Variants in PCDHGA2 observed in about 807,000 individuals in gnomAD.
The protein encoded by PCDHGA2 is protocadherin gamma subfamily A, 2.
PCDHGA2 carries 40 observed loss-of-function variants against 59.2 expected under a neutral mutation model. The ratio of observed to expected loss-of-function variants is 0.68; its 90% CI spans 0.52 to 0.88. The LOEUF is 0.88. PCDHGA2 is among the 40% of genes least tolerant of loss of function. The pLI is 0.00. For missense variants in PCDHGA2, 1,226 were observed against 1,204.0 expected (o/e 1.02, Z -0.27); for synonymous variants, 560 against 526.0 (o/e 1.06, Z -0.89).
intron 1 of PCDHGA2, chr5:141,430,576 T>G (rs767759432): frequency 3.3e-5 from 15 of 459,492 alleles, no homozygotes; most frequent in Non-Finnish European, 5.5e-5. Flanking sequence ...AAAGCGGAGA[T>G]CCTGCTCGCC....
At chr5:141,376,159 C>T (rs1772345017) in intron 1 of PCDHGA2, 2 of 1,614,084 alleles carry the variant, frequency 1.2e-6, no homozygotes, top group Non-Finnish European at 8.5e-7. Context: ...TCACTCTGTA[C>T]CTGGTGGTGG....
At chr5:141,355,184 T>C in intron 1 of PCDHGA2, 2 of 1,586,600 alleles carry the variant, frequency 1.3e-6, no homozygotes, top group Non-Finnish European at 1.7e-6. Flanking sequence ...CACAGGCGAC[T>C]CCGCGGCGGG....
intron 1 of PCDHGA2, among the ~76,000 whole-genome samples, chr5:141,494,361 G>A (rs1311268562): frequency 6.6e-6 from 1 of 152,184 alleles, no homozygotes; most frequent in African/African-American, 2.4e-5. Flanking sequence ...TGCTGCAGAG[G>A]ATGCTTTGTT....
Position 141,422,436 on chromosome 5 carries a change from C to T in PCDHGA2, c.2425-72371C>T, listed in dbSNP as rs200737047. The T allele has an allele frequency of 1.2e-5, 20 of 1,609,634 alleles. No homozygotes were observed. The East Asian group carries it at 4.0e-4, about 32-fold the overall frequency. On this transcript the variant is annotated intron_variant, in intron 1 of 3. Coordinates refer to ENST00000394576, the MANE Select transcript of PCDHGA2 (RefSeq NM_018915.4). The stretch of plus-strand genomic sequence containing the variant: ...TAGAAAAGACTTATGGAAATTATTA[C>T]AAATTGATAACAAGCAGAGTGCTGG...
chr5:141,357,385 G>A, intron 1 of PCDHGA2: 1 of 1,614,228 alleles, frequency 6.2e-7, no homozygotes. Context: ...TCACGCTGAA[G>A]GCAGCAGGTT....
At chr5:141,423,429 A>G (rs1590473158) in intron 1 of PCDHGA2, 2 of 1,613,960 alleles carry the variant, frequency 1.2e-6, no homozygotes, top group African/African-American at 1.3e-5. Flanking sequence ...GCGGGTTGGC[A>G]GGTATGCCCA....
At chr5:141,342,525 TC>T (rs1757173515) in intron 1 of PCDHGA2, 1 of 152,238 alleles carries the variant, frequency 6.6e-6, no homozygotes, top group African/African-American at 2.4e-5. Context: ...TGTGATTCTT[TC>T]CGTTGCATTT....
chr5:141,479,703 C>T (rs1219257838), intron 1 of PCDHGA2: 1 of 152,182 alleles, frequency 6.6e-6, no homozygotes, highest in African/African-American at 2.4e-5. Context: ...AGTGTTAGTC[C>T]CTGTCCTTCC....
chr5:141,389,834 A>G, intron 1 of PCDHGA2: 2 of 1,613,988 alleles, frequency 1.2e-6, no homozygotes, highest in Non-Finnish European at 1.7e-6. Context: ...GTGGACAGCC[A>G]CCACTCTCGG....
rs377248872 is a variant in PCDHGA2 at position 141,489,231 on chromosome 5, C to T, written c.2425-5576C>T. 2 of 1,528,166 alleles carry T rather than the reference C, an allele frequency of 1.3e-6. No homozygotes were observed. The highest frequency in any genetic ancestry group is 1.4e-5 in the African/African-American group (1 of 72,140). The allele number at this position is 1,528,166 out of a possible 1,614,324, so 94.7% of individuals were successfully genotyped here. A position where few individuals can be genotyped will look rare whatever the true frequency, so the allele number is the denominator to read the frequency against. On this transcript the variant is annotated intron_variant, in intron 1 of 3. Transcript: ENST00000394576. This position sits in a 1 kb window ranked among gnomAD's most constrained non-coding sequence, Gnocchi z 4.5. ...CACAGACTTACTCTCCACAAAGGGA[C>T]TTCTGGGTCATGGGGCCCAAGACAC...
rs200464357 is a variant in PCDHGA2 at position 141,489,983 on chromosome 5, G to A, written c.2425-4824G>A. 4.5e-5 allele frequency: 73 copies of A among 1,614,172 alleles called. No homozygotes were observed. Among genetic ancestry groups the A allele is most frequent in the Middle Eastern group, 3.3e-4 (2 of 6,062 alleles). ...CCAACCTTCCAATCCTCAGTTCTAC[G>A]TGTGGGAATCCCAGAGAATGCACCC... On this transcript the variant is annotated intron_variant, in intron 1 of 3. Coordinates refer to ENST00000394576, the MANE Select transcript of PCDHGA2 (RefSeq NM_018915.4). This position sits in a 1 kb window ranked among gnomAD's most constrained non-coding sequence, Gnocchi z 4.5.
intron 1 of PCDHGA2, chr5:141,410,564 T>C: frequency 6.2e-7 from 1 of 1,612,612 alleles, no homozygotes; most frequent in Non-Finnish European, 8.5e-7. Context: ...TCCTGGAGCC[T>C]TAATTCCACC....
At chr5:141,500,227 G>T (rs959087347) in intron 2 of PCDHGA2, among the ~76,000 whole-genome samples, 15 of 116,224 alleles carry the variant, frequency 1.3e-4, no homozygotes, top group African/African-American at 2.9e-4. Context: ...TTTATTTATT[G>T]ATACGTAGCC....
chr5:141,474,967 T>G (rs745581213), intron 1 of PCDHGA2, among the ~76,000 whole-genome samples: 6 of 152,252 alleles, frequency 3.9e-5, no homozygotes, highest in Non-Finnish European at 7.3e-5. Context: ...TCCTAATCAT[T>G]ATAATTTTGT....
chr5:141,494,546 G>A (rs984336435), intron 1 of PCDHGA2, among the ~76,000 whole-genome samples: 7 of 152,152 alleles, frequency 4.6e-5, no homozygotes, highest in African/African-American at 1.2e-4. Context: ...GGAGGAAGGG[G>A]CCATTTCTTT....
intron 1 of PCDHGA2, among the ~76,000 whole-genome samples, chr5:141,455,250 A>C (rs1016027355): frequency 2.0e-5 from 3 of 152,172 alleles, no homozygotes; most frequent in Non-Finnish European, 2.9e-5. Flanking sequence ...GTCATAGTAC[A>C]ATCGCATTTC....
At chr5:141,417,213 G>A (rs1470553702) in intron 1 of PCDHGA2, 2 of 152,108 alleles carry the variant, frequency 1.3e-5, no homozygotes, top group African/African-American at 4.8e-5. Context: ...GGCTAGAATT[G>A]AAGACAAAAA....
intron 1 of PCDHGA2, chr5:141,427,048 C>T (rs1257232583): frequency 4.4e-6 from 2 of 457,350 alleles, no homozygotes; most frequent in South Asian, 1.5e-5. Context: ...AATGTGCCCC[C>T]AGGCACCTCT....
rs1347087103 is a variant in PCDHGA2 at position 141,409,851 on chromosome 5, T to C, written c.2424+68456T>C. 4 of 1,612,112 alleles carry C rather than the reference T, an allele frequency of 2.5e-6. No homozygotes were observed. In the Admixed American group the frequency reaches 6.7e-5, roughly 27 times the overall value. On this transcript the variant is annotated intron_variant, in intron 1 of 3. Transcript: ENST00000394576. ...CTCAGCGCCAACGTGAGCCTGCGCG[T>C]GTTGGTGGGAGACCGCAATGACAAC...
Sources: gnomAD v4.1 joint callset for allele counts (sites outside exome capture counted in the v4.1 genomes callset) on GRCh38, gnomAD v4.1.1 for gene constraint, Gnocchi (gnomAD v3.1) non-coding constraint, MANE v1.5 for transcripts, NCBI Gene and HGNC (gene_info 2026-07-23, HGNC 2026-07-21) for gene names.